SLC8A1: variants seen among roughly 807,000 people sequenced by gnomAD.
The protein encoded by SLC8A1 is sodium/calcium exchanger 1.
SLC8A1 carries 18 observed loss-of-function variants against 68.3 expected under a neutral mutation model. That is an observed-to-expected ratio of 0.26 (90% CI 0.18 to 0.39). The LOEUF is 0.39. SLC8A1 is among the 10% of genes least tolerant of loss of function. The pLI, the probability that SLC8A1 is intolerant of heterozygous loss-of-function variation, is 1.00. For synonymous variants in SLC8A1, 475 were observed against 415.5 expected, an observed-to-expected ratio of 1.14 and a Z score of -1.74; for missense variants, 985 against 1,156.7, an observed-to-expected ratio of 0.85 and a Z score of 2.15.
intron 2 of SLC8A1, among the ~76,000 whole-genome samples, chr2:40,308,296 T>C (rs1414348737): frequency 6.6e-6 from 1 of 152,210 alleles, no homozygotes; most frequent in Admixed American, 6.5e-5. Flanking sequence ...AGCCTTCAGA[T>C]CTGCATTCTC....
intron 2 of SLC8A1, among the ~76,000 whole-genome samples, chr2:40,203,552 G>A (rs1169096394): frequency 6.6e-6 from 1 of 151,952 alleles, no homozygotes; most frequent in East Asian, 1.9e-4. Context: ...TTGCTCAAGA[G>A]AAATGCAAGA....
chr2:40,350,620 A>AAG (rs1559348315), intron 2 of SLC8A1, among the ~76,000 whole-genome samples: 11 of 128,410 alleles, frequency 8.6e-5, no homozygotes, highest in Non-Finnish European at 1.6e-4. Context: ...AAAAAAAAAA[A>AAG]GGCATTTCCA....
At chr2:40,404,132 G>A (rs1462378486) in intron 2 of SLC8A1, among the ~76,000 whole-genome samples, 1 of 152,120 alleles carries the variant, frequency 6.6e-6, no homozygotes, top group African/African-American at 2.4e-5. Flanking sequence ...CTGGGCTCAA[G>A]TGATCCTCTA....
intron 2 of SLC8A1, among the ~76,000 whole-genome samples, chr2:40,411,508 T>C (rs1447942633): frequency 2.6e-5 from 4 of 151,994 alleles, no homozygotes; most frequent in Admixed American, 1.3e-4. Context: ...AAAGAACTAA[T>C]CTAAAATGTG....
intron 2 of SLC8A1, among the ~76,000 whole-genome samples, chr2:40,291,500 G>A (rs2069312369): frequency 6.6e-6 from 1 of 152,086 alleles, no homozygotes; most frequent in Non-Finnish European, 1.5e-5. Context: ...AGCATGATGT[G>A]ATCCGCTCCC....
chr2:40,466,576 A>T (rs1703686748), intron 1 of SLC8A1, among the ~76,000 whole-genome samples: 1 of 152,166 alleles, frequency 6.6e-6, no homozygotes, highest in African/African-American at 2.4e-5. Flanking sequence ...TCCCTTGCAA[A>T]CTGAGGGTGC....
intron 7 of SLC8A1, among the ~76,000 whole-genome samples, chr2:40,120,055 T>C (rs577070532): frequency 6.6e-6 from 1 of 152,326 alleles, no homozygotes; most frequent in South Asian, 2.1e-4. Context: ...TACCTAAATT[T>C]CTCAAACTTT....
intron 2 of SLC8A1, among the ~76,000 whole-genome samples, chr2:40,399,406 G>T (rs1011843294): frequency 6.6e-6 from 1 of 152,040 alleles, no homozygotes; most frequent in Non-Finnish European, 1.5e-5. Flanking sequence ...ACGCCAGGTA[G>T]ATTATGGCCA....
chr2:40,353,045 C>T (rs181201210), intron 2 of SLC8A1, among the ~76,000 whole-genome samples: 2 of 152,144 alleles, frequency 1.3e-5, no homozygotes, highest in African/African-American at 4.8e-5. Flanking sequence ...GGGTGGAGCT[C>T]TCACAGCCTT....
intron 2 of SLC8A1, among the ~76,000 whole-genome samples, chr2:40,368,841 A>G (rs1327765062): frequency 2.0e-5 from 3 of 152,096 alleles, no homozygotes. Context: ...AAAAATAGAC[A>G]TAAAGACCAA....
At chr2:40,450,330 G>C (rs1702200660) in intron 1 of SLC8A1, among the ~76,000 whole-genome samples, 1 of 149,598 alleles carries the variant, frequency 6.7e-6, no homozygotes, top group Non-Finnish European at 1.5e-5. Context: ...GTAGCTTTGA[G>C]AGAGAAAGAG....
At chr2:40,174,960 T>G in intron 3 of SLC8A1, 118 bp from the exon 5 acceptor site, 1 of 922,896 alleles carries the variant, frequency 1.1e-6, no homozygotes, top group Non-Finnish European at 1.7e-6. Flanking sequence ...TATTTACAAT[T>G]AAGAAGACTA....
intron 2 of SLC8A1, among the ~76,000 whole-genome samples, chr2:40,331,687 G>C (rs1233869316): frequency 6.6e-6 from 1 of 151,738 alleles, no homozygotes; most frequent in African/African-American, 2.4e-5. Flanking sequence ...TCTGCCTCCC[G>C]GGTTCAAGCG....
intron 2 of SLC8A1, among the ~76,000 whole-genome samples, chr2:40,357,549 C>T (rs1673090351): frequency 6.7e-6 from 1 of 149,956 alleles, no homozygotes; most frequent in South Asian, 2.1e-4. Context: ...TTTCTGTGCT[C>T]AGTGTAGAAG....
intron 2 of SLC8A1, among the ~76,000 whole-genome samples, chr2:40,423,649 T>C (rs908846280): frequency 6.6e-6 from 1 of 152,014 alleles, no homozygotes; most frequent in Non-Finnish European, 1.5e-5. Context: ...CATAATGATA[T>C]TATAACCCCA....
intron 2 of SLC8A1, among the ~76,000 whole-genome samples, chr2:40,197,560 GC>G (rs1417042694): frequency 6.6e-6 from 1 of 151,888 alleles, no homozygotes; most frequent in Admixed American, 6.6e-5. Context: ...TCCCCCTTTA[GC>G]AAAAGATCTC....
At chr2:40,401,094 G>C (rs1167274156) in intron 2 of SLC8A1, among the ~76,000 whole-genome samples, 1 of 152,166 alleles carries the variant, frequency 6.6e-6, no homozygotes, top group East Asian at 1.9e-4. Context: ...CTATTTTCCA[G>C]TTGCAGAAAT....
At chr2:40,249,498 G>C (rs553275645) in intron 2 of SLC8A1, among the ~76,000 whole-genome samples, 64 of 152,220 alleles carry the variant, frequency 4.2e-4, no homozygotes, top group African/African-American at 1.4e-3. Context: ...TAAATGGGTG[G>C]AGAGGCCTGT....
At chr2:40,214,592 A>G (rs2057160274) in intron 2 of SLC8A1, among the ~76,000 whole-genome samples, 1 of 151,350 alleles carries the variant, frequency 6.6e-6, no homozygotes, top group Non-Finnish European at 1.5e-5. Flanking sequence ...CAGGTGCCCA[A>G]CACCACACCT....
Sources: allele counts gnomAD v4.1 joint callset (sites outside exome capture counted in the v4.1 genomes callset), GRCh38; gene constraint gnomAD v4.1.1; transcripts MANE v1.5; gene names NCBI Gene and HGNC (gene_info 2026-07-23, HGNC 2026-07-21).